GRIN2A: variants seen among roughly 807,000 people sequenced by gnomAD.
The protein encoded by GRIN2A is glutamate ionotropic receptor NMDA type subunit 2A, also known as glutamate receptor ionotropic, NMDA 2A.
GRIN2A carries 22 observed loss-of-function variants against 113.4 expected under a neutral mutation model. The observed-to-expected ratio is 0.19, with a 90% CI of 0.14 to 0.28. GRIN2A has a LOEUF of 0.28. Among genes scored for constraint, GRIN2A ranks in the 10% least tolerant of loss-of-function variants. The probability of loss-of-function intolerance (pLI) is 1.00; values close to 1 mark genes in which losing one functional copy is unlikely to be tolerated. For synonymous variants in GRIN2A, 827 were observed against 738.4 expected, an observed-to-expected ratio of 1.12 and a Z score of -1.94; for missense variants, 1,502 against 1,887.0, an observed-to-expected ratio of 0.80 and a Z score of 3.78.
intron 4 of GRIN2A, among the ~76,000 whole-genome samples, chr16:9,881,467 A>C (rs892309907): frequency 5.9e-5 from 9 of 152,252 alleles, no homozygotes; most frequent in Admixed American, 3.3e-4. Context: ...AGGGAGGCTT[A>C]TAAAACATGC....
chr16:10,069,397 C>T (rs765447142), intron 2 of GRIN2A, among the ~76,000 whole-genome samples: 3 of 152,192 alleles, frequency 2.0e-5, no homozygotes, highest in Non-Finnish European at 2.9e-5. Context: ...AGGGAAGAGA[C>T]CATCACACGA....
At chr16:10,020,915 G>A (rs562087235) in intron 2 of GRIN2A, among the ~76,000 whole-genome samples, 9 of 152,174 alleles carry the variant, frequency 5.9e-5, no homozygotes, top group East Asian at 1.9e-4. Flanking sequence ...GATGCTGTAC[G>A]TCTTGGTCAG....
intron 10 of GRIN2A, among the ~76,000 whole-genome samples, chr16:9,813,427 T>C (rs2042124832): frequency 6.6e-6 from 1 of 152,146 alleles, no homozygotes; most frequent in South Asian, 2.1e-4. Context: ...GAAAATTTGT[T>C]AAATGTAAAA....
intron 2 of GRIN2A, among the ~76,000 whole-genome samples, chr16:10,177,468 C>G (rs772545612): frequency 2.6e-5 from 4 of 152,172 alleles, no homozygotes; most frequent in Admixed American, 6.5e-5. Flanking sequence ...AAAGTCCCAA[C>G]AACAATCAGG....
intron 2 of GRIN2A, among the ~76,000 whole-genome samples, chr16:9,956,054 C>G (rs764408808): frequency 6.6e-6 from 1 of 152,186 alleles, no homozygotes; most frequent in South Asian, 2.1e-4. Flanking sequence ...ATGATCAAGA[C>G]ACAAAACAAT....
At position 9,923,251 on chromosome 16, in the gene GRIN2A, C is replaced by T. The variant is rs533070241; in HGVS notation, c.1007+14708G>A. 3.3e-5 allele frequency among the ~76,000 whole-genome samples: 5 copies of T among 152,054 alleles called. No homozygotes were observed. The South Asian group carries it at 1.0e-3, about 32-fold the overall frequency. Reference sequence around the variant, plus strand: ...TCATGATCTGAAATCTACTTAGTGTCTTATTAATACAGCCAGTCCAGTTTT... The same window carrying T: ...TCATGATCTGAAATCTACTTAGTGTTTTATTAATACAGCCAGTCCAGTTTT... On this transcript the variant is annotated intron_variant, in intron 3 of 12. Coordinates refer to ENST00000330684, the MANE Select transcript of GRIN2A (RefSeq NM_001134407.3).
chr16:9,980,221 C>T (rs191353941), intron 2 of GRIN2A, among the ~76,000 whole-genome samples: 12 of 150,214 alleles, frequency 8.0e-5, no homozygotes, highest in South Asian at 2.1e-4. Flanking sequence ...TGCAGTGAGC[C>T]GAGATCACAC....
At chr16:10,025,231 G>C (rs1373920294) in intron 2 of GRIN2A, among the ~76,000 whole-genome samples, 2 of 151,542 alleles carry the variant, frequency 1.3e-5, no homozygotes, top group East Asian at 3.9e-4. Context: ...GGAAACTCGT[G>C]GCTCTGGGGT....
At position 9,967,705 on chromosome 16, in the gene GRIN2A, CA is replaced by C. The variant is rs1003677366; in HGVS notation, c.415-29155del. On this transcript the variant is annotated intron_variant, in intron 2 of 12. Transcript: ENST00000330684. ...TGGGCGACAGAGCGAGACTCCATCTCAAAAAAAAAATTACATAATGGACTTT... is the reference window on the plus strand; with the variant it reads ...TGGGCGACAGAGCGAGACTCCATCTCAAAAAAAAATTACATAATGGACTTT... Among the ~76,000 whole-genome samples the C allele has an allele frequency of 3.4e-5, 5 of 147,654 alleles. No individual in the cohort carries two copies. In the East Asian group the frequency reaches 5.9e-4, roughly 18 times the overall value.
At chr16:10,082,826 G>A (rs1202236708) in intron 2 of GRIN2A, among the ~76,000 whole-genome samples, 1 of 152,216 alleles carries the variant, frequency 6.6e-6, no homozygotes, top group Non-Finnish European at 1.5e-5. Flanking sequence ...AGATAGTGAT[G>A]ATGTCAGTGC....
chr16:10,144,057 T>C (rs2049381566), intron 2 of GRIN2A, among the ~76,000 whole-genome samples: 1 of 152,140 alleles, frequency 6.6e-6, no homozygotes, highest in African/African-American at 2.4e-5. Context: ...AGGGTACAGA[T>C]ATTTCTTTGA....
intron 2 of GRIN2A, among the ~76,000 whole-genome samples, chr16:10,077,915 G>T (rs369000872): frequency 6.6e-6 from 1 of 152,196 alleles, no homozygotes; most frequent in Non-Finnish European, 1.5e-5. Context: ...GACGTTTCTT[G>T]TCTCCAAGGT....
At chr16:10,020,747 G>A (rs2046704908) in intron 2 of GRIN2A, among the ~76,000 whole-genome samples, 1 of 152,176 alleles carries the variant, frequency 6.6e-6, no homozygotes, top group South Asian at 2.1e-4. Context: ...ACCAAGCATA[G>A]TGCTTGGCCC....
intron 2 of GRIN2A, among the ~76,000 whole-genome samples, chr16:9,958,099 G>C (rs2045347456): frequency 6.6e-6 from 1 of 152,140 alleles, no homozygotes; most frequent in Non-Finnish European, 1.5e-5. Flanking sequence ...GCTTCTCTGT[G>C]CCTGCCTTCT....
intron 4 of GRIN2A, among the ~76,000 whole-genome samples, chr16:9,862,421 T>C (rs746862546): frequency 2.6e-5 from 4 of 152,230 alleles, no homozygotes; most frequent in Non-Finnish European, 5.9e-5. Flanking sequence ...TGGTAATTCA[T>C]AGAAACGTGT....
chr16:9,940,042 A>AG (rs2044828386), intron 2 of GRIN2A, among the ~76,000 whole-genome samples: 1 of 139,668 alleles, frequency 7.2e-6, no homozygotes, highest in African/African-American at 2.6e-5. Context: ...GAGAGAGAGA[A>AG]AGAGAGAGAG....
intron 2 of GRIN2A, among the ~76,000 whole-genome samples, chr16:10,103,735 C>T (rs999448688): frequency 1.3e-5 from 2 of 152,178 alleles, no homozygotes; most frequent in Non-Finnish European, 2.9e-5. Flanking sequence ...ACTTAATTAG[C>T]CAGCTCATAG....
intron 2 of GRIN2A, among the ~76,000 whole-genome samples, chr16:10,045,233 C>T (rs180801569): frequency 5.9e-5 from 9 of 152,296 alleles, no homozygotes; most frequent in East Asian, 1.9e-4. Context: ...ATGTATCCCA[C>T]GAGCTCAAAA....
intron 3 of GRIN2A, among the ~76,000 whole-genome samples, chr16:9,912,502 G>C (rs1025995404): frequency 6.8e-5 from 9 of 132,394 alleles, no homozygotes; most frequent in African/African-American, 2.6e-4. Context: ...AAAATTCAGA[G>C]TAAGTGGGTG....
Sources: allele counts gnomAD v4.1 joint callset (sites outside exome capture counted in the v4.1 genomes callset), GRCh38; gene constraint gnomAD v4.1.1; transcripts MANE v1.5; gene names NCBI Gene and HGNC (gene_info 2026-07-23, HGNC 2026-07-21).